Variants in GALNT13 observed in about 807,000 individuals in gnomAD.
GALNT13 encodes the protein polypeptide N-acetylgalactosaminyltransferase 13.
GALNT13 carries 28 observed loss-of-function variants against 64.2 expected under a neutral mutation model. The ratio of observed to expected loss-of-function variants is 0.44; its 90% CI spans 0.32 to 0.60. The LOEUF is 0.60. GALNT13 is among the 20% of genes least tolerant of loss of function. The probability of loss-of-function intolerance (pLI) is 0.05; values close to 1 mark genes in which losing one functional copy is unlikely to be tolerated. For missense variants in GALNT13, 577 were observed against 669.8 expected, an observed-to-expected ratio of 0.86 and a Z score of 1.53; for synonymous variants, 214 against 224.6, an observed-to-expected ratio of 0.95 and a Z score of 0.42.
chr2:153,776,641 A>G, the GALNT13 span, among the ~76,000 whole-genome samples: 2 of 152,190 alleles, frequency 1.3e-5, no homozygotes, highest in East Asian at 3.9e-4. Context: ...TGAACTAACT[A>G]CCTATAAAGC....
chr2:153,733,006 G>A, the GALNT13 span, among the ~76,000 whole-genome samples: 1 of 152,026 alleles, frequency 6.6e-6, no homozygotes, highest in Non-Finnish European at 1.5e-5. Flanking sequence ...TAGCCATATT[G>A]CAAACATGAG....
At chr2:154,129,407 T>A (rs1682484664) in intron 3 of GALNT13, among the ~76,000 whole-genome samples, 1 of 152,150 alleles carries the variant, frequency 6.6e-6, no homozygotes, top group Non-Finnish European at 1.5e-5. Flanking sequence ...AGTAAGAAAG[T>A]CAACCCCATG....
In GALNT13 at chr2:154,373,869, T is replaced by G. The variant is rs560526071; in HGVS notation, c.1157-22122T>G. On this transcript the variant is annotated intron_variant, in intron 9 of 12. Transcript: ENST00000392825. ...GAACAATAACAAAGATACTCAGAGC[T>G]CTGTGGGTTTTGTTTATGTTTTGCT... Among the ~76,000 whole-genome samples, 26 of 152,234 alleles carry G rather than the reference T, an allele frequency of 1.7e-4. 1 individual carries two copies. Among genetic ancestry groups the G allele is most frequent in the Admixed American group, 6.5e-4 (10 of 15,288 alleles).
intron 12 of GALNT13, among the ~76,000 whole-genome samples, chr2:154,440,899 A>G (rs1215655464): frequency 6.6e-6 from 1 of 152,130 alleles, no homozygotes; most frequent in African/African-American, 2.4e-5. Flanking sequence ...TTTTTTTTAA[A>G]CAAAATTGAA....
chr2:153,265,238 C>G, the GALNT13 span, among the ~76,000 whole-genome samples: 1 of 152,126 alleles, frequency 6.6e-6, no homozygotes, highest in Non-Finnish European at 1.5e-5. Flanking sequence ...CAGCACAGAT[C>G]AGGACTTCCC....
At chr2:154,274,562 C>A (rs1055599043) in intron 8 of GALNT13, among the ~76,000 whole-genome samples, 1 of 152,062 alleles carries the variant, frequency 6.6e-6, no homozygotes, top group African/African-American at 2.4e-5. Flanking sequence ...CTTGGCACTT[C>A]TTGCTTGGCA....
intron 3 of GALNT13, among the ~76,000 whole-genome samples, chr2:154,018,772 G>C (rs961441756): frequency 6.6e-6 from 1 of 151,450 alleles, no homozygotes; most frequent in African/African-American, 2.4e-5. Context: ...GAGAATGAGA[G>C]AGAAGGAGAA....
At chr2:153,238,207 G>C in the GALNT13 span, among the ~76,000 whole-genome samples, 1 of 151,914 alleles carries the variant, frequency 6.6e-6, no homozygotes, top group Admixed American at 6.6e-5. Context: ...TATTGTTTCA[G>C]CTCCTTATAT....
the GALNT13 span, among the ~76,000 whole-genome samples, chr2:153,587,232 CAA>C: frequency 7.7e-6 from 1 of 129,588 alleles, no homozygotes. Context: ...GACTCTGTCT[CAA>C]AAAAAAAAAA....
the GALNT13 span, among the ~76,000 whole-genome samples, chr2:153,255,869 A>T: frequency 7.2e-5 from 11 of 152,296 alleles, no homozygotes; most frequent in African/African-American, 2.6e-4. Context: ...TTTGTGGGTA[A>T]CTTCACCTTT....
the GALNT13 span, among the ~76,000 whole-genome samples, chr2:153,266,006 T>C: frequency 6.6e-6 from 1 of 152,184 alleles, no homozygotes; most frequent in South Asian, 2.1e-4. Context: ...TTCTTGAAGA[T>C]ATGTACTTAT....
the GALNT13 span, among the ~76,000 whole-genome samples, chr2:153,547,246 C>G: frequency 6.6e-6 from 1 of 152,190 alleles, no homozygotes; most frequent in South Asian, 2.1e-4. Flanking sequence ...CTATTGTTTT[C>G]TAATAAAACA....
the GALNT13 span, among the ~76,000 whole-genome samples, chr2:153,085,365 G>A: frequency 1.3e-5 from 2 of 152,136 alleles, no homozygotes; most frequent in African/African-American, 4.8e-5. Flanking sequence ...TGTCTCCAGG[G>A]CATGTCAGAG....
At chr2:153,476,235 C>T in the GALNT13 span, among the ~76,000 whole-genome samples, 1 of 152,196 alleles carries the variant, frequency 6.6e-6, no homozygotes, top group Non-Finnish European at 1.5e-5. Context: ...ATTAAAGGCA[C>T]TCAAAACTTT....
chr2:153,710,803 A>G, the GALNT13 span, among the ~76,000 whole-genome samples: 1 of 152,224 alleles, frequency 6.6e-6, no homozygotes, highest in South Asian at 2.1e-4. Flanking sequence ...TGTCATTGAT[A>G]CTACCTAGTT....
the GALNT13 span, among the ~76,000 whole-genome samples, chr2:153,644,405 C>G: frequency 2.4e-4 from 37 of 151,704 alleles, no homozygotes; most frequent in Admixed American, 2.4e-3. Flanking sequence ...TGAAATATTC[C>G]CCTCATCTCT....
chr2:154,442,436 T>C (rs910933196), intron 12 of GALNT13, among the ~76,000 whole-genome samples: 1 of 152,086 alleles, frequency 6.6e-6, no homozygotes, highest in Non-Finnish European at 1.5e-5. Context: ...TGTCATCTTA[T>C]ATGTGGCCTA....
chr2:153,903,074 G>A (rs1052322747), intron 2 of GALNT13, among the ~76,000 whole-genome samples: 1 of 152,014 alleles, frequency 6.6e-6, no homozygotes, highest in Non-Finnish European at 1.5e-5. Flanking sequence ...GACCTTTAGG[G>A]AGAAATGTAC....
chr2:153,236,874 T>C, the GALNT13 span, among the ~76,000 whole-genome samples: 24,127 of 152,112 alleles, frequency 0.16, 2,231 homozygotes, highest in Non-Finnish European at 0.21. Context: ...ATTCCTCTGA[T>C]GTACCTGAGC....
Sources: allele counts gnomAD v4.1 joint callset (sites outside exome capture counted in the v4.1 genomes callset), GRCh38; gene constraint gnomAD v4.1.1; transcripts MANE v1.5; gene names NCBI Gene and HGNC (gene_info 2026-07-23, HGNC 2026-07-21).